The following CLCN7 variants were observed in gnomAD, a reference collection of about 807,000 sequenced individuals.
CLCN7 encodes Cl-/H+ antiporter 7.
A neutral mutation model predicts 102.1 loss-of-function variants in CLCN7; 60 were observed. The ratio of observed to expected loss-of-function variants is 0.59; its 90% CI spans 0.48 to 0.73. CLCN7 has a LOEUF of 0.73. Ranked by LOEUF, CLCN7 falls within the 30% of genes least tolerant of loss-of-function variation. CLCN7 has a pLI of 0.00. For missense variants in CLCN7, 962 were observed against 1,125.7 expected, an observed-to-expected ratio of 0.85 and a Z score of 2.08; for synonymous variants, 560 against 490.5, an observed-to-expected ratio of 1.14 and a Z score of -1.87.
At chr16:1,472,919 A>C (rs889504373) in intron 1 of CLCN7, among the ~76,000 whole-genome samples, 1 of 147,916 alleles carries the variant, frequency 6.8e-6, no homozygotes, top group African/African-American at 2.5e-5. Flanking sequence ...GATGCATATC[A>C]CCACACCTGG....
intron 1 of CLCN7, among the ~76,000 whole-genome samples, chr16:1,473,086 A>AACACAC (rs36084043): frequency 6.0e-5 from 9 of 150,052 alleles, no homozygotes; most frequent in Non-Finnish European, 1.3e-4. Context: ...TTAAAACAGA[A>AACACAC]ACACACACAC....
chr16:1,462,427 G>A (rs1220000885), intron 2 of CLCN7, among the ~76,000 whole-genome samples: 8 of 132,306 alleles, frequency 6.0e-5, no homozygotes, highest in Non-Finnish European at 1.1e-4. Flanking sequence ...CCAGGCTAGA[G>A]TGCAGTGACG....
In CLCN7 at chr16:1,447,588, G is replaced by C; in HGVS notation, c.2074-20C>G. On this transcript the variant is annotated intron_variant, in intron 22 of 24. Coordinates refer to ENST00000382745, the MANE Select transcript of CLCN7 (RefSeq NM_001287.6). ...AAACACCTGCGGGCGGCAGAGCCCT[G>C]TGTCAGGCACCCAGGCAGCACCCCC... The C allele has an allele frequency of 1.3e-6, 2 of 1,552,992 alleles. No homozygotes were observed. Among genetic ancestry groups the C allele is most frequent in the Non-Finnish European group, 1.7e-6 (2 of 1,148,436 alleles).
At chr16:1,454,657 CGGGG>C in intron 12 of CLCN7, among the ~76,000 whole-genome samples, 192 bp from the exon 13 acceptor site, 1 of 152,208 alleles carries the variant, frequency 6.6e-6, no homozygotes, top group South Asian at 2.1e-4. Flanking sequence ...CCCTGCCTGG[CGGGG>C]TGGCCAGCGA....
rs1466344785 is a variant in CLCN7 at position 1,450,563 on chromosome 16, G to C, written c.1551C>G (p.Ser517=). The change falls in exon 17 of 25, where the codon TCC becomes TCG. Residue 517 remains serine (S), a synonymous_variant. Transcript: ENST00000382745. ...GGCCCCAGGCAGCCCCGATGAGCAG[G>C]GACGGGATGAAGACCCCGGCAGACA... ...LTVSAGVFIP[S]LLIGAAWGRL... The C allele has an allele frequency of 9.9e-6, 16 of 1,612,074 alleles. No homozygotes were observed. Among genetic ancestry groups the C allele is most frequent in the Non-Finnish European group, 1.3e-5 (15 of 1,179,714 alleles).
intron 4 of CLCN7, 66 bp from the exon 5 acceptor site, chr16:1,461,014 A>C (rs2038927736): frequency 6.3e-7 from 1 of 1,576,620 alleles, no homozygotes; most frequent in African/African-American, 1.4e-5. Flanking sequence ...CAGCAGCAGG[A>C]CCGCCCAGAC....
At chr16:1,448,919 T>G (rs1433278058) in intron 19 of CLCN7, 47 bp downstream of exon 19, 1 of 1,609,464 alleles carries the variant, frequency 6.2e-7, no homozygotes, top group Non-Finnish European at 8.5e-7. Context: ...CCCTCCCCTA[T>G]GGCAGCACCC....
chr16:1,460,725 C>T lies in CLCN7; in HGVS notation c.484+91G>A, dbSNP rs547029259. The T allele has an allele frequency of 3.9e-5, 63 of 1,597,540 alleles. 2 individuals are homozygous for T. In the South Asian group the frequency reaches 5.5e-4, roughly 14 times the overall value. On this transcript the variant is annotated intron_variant, in intron 5 of 24. Coordinates refer to ENST00000382745, the MANE Select transcript of CLCN7 (RefSeq NM_001287.6). ...CCTGGCCGGGCCGCCTCCACCTGCA[C>T]TGGAACACGCTGGGCTCAGGACTTC...
At position 1,449,343 on chromosome 16, in the gene CLCN7, C is replaced by T. The variant is rs764579278; in HGVS notation, c.1618-16G>A. On this transcript the variant is annotated splice_polypyrimidine_tract_variant and intron_variant, in intron 17 of 24. Transcript: ENST00000382745. Reference sequence around the variant, plus strand: ...CCGCCCAGATCTGTGGGAGGTGACACGGAGGAGGTGTCAGTGTGGTGGCAG... The same window carrying T: ...CCGCCCAGATCTGTGGGAGGTGACATGGAGGAGGTGTCAGTGTGGTGGCAG... 1.9e-5 allele frequency: 30 copies of T among 1,577,706 alleles called. No individual in the cohort carries two copies. Among genetic ancestry groups the T allele is most frequent in the Admixed American group, 9.1e-5 (5 of 54,708 alleles).
At chr16:1,449,203 C>T in intron 18 of CLCN7, 73 bp downstream of exon 18, 3 of 1,573,160 alleles carry the variant, frequency 1.9e-6, no homozygotes, top group Non-Finnish European at 2.6e-6. Context: ...AGACCCTAGC[C>T]CCGCAAGGAC....
At chr16:1,447,792 C>T (rs972114291) in intron 21 of CLCN7, 78 bp from the exon 22 acceptor site, 254 of 1,469,144 alleles carry the variant, frequency 1.7e-4, no homozygotes, top group Middle Eastern at 4.1e-4. Context: ...GGGCCCCGCT[C>T]TGACCCTGTT....
chr16:1,458,878 T>C (rs925407253), intron 7 of CLCN7, among the ~76,000 whole-genome samples: 3 of 152,236 alleles, frequency 2.0e-5, no homozygotes, highest in African/African-American at 7.2e-5. Context: ...CAAGCATTTC[T>C]GTATGACTAC....
rs757252471 is a variant in CLCN7 at position 1,452,752 on chromosome 16, C to T, written c.1353+3G>A. 1.9e-6 allele frequency: 3 copies of T among 1,593,216 alleles called. No individual in the cohort carries two copies. Among genetic ancestry groups the T allele is most frequent in the East Asian group, 2.3e-5 (1 of 43,640 alleles). ...TGGACCCCGCCCGGGCCCAGCCTCC[C>T]ACCTGCAGCGGGTAGGACATGGAGC... is the stretch of plus-strand genomic sequence containing the variant. On this transcript the variant is annotated splice_donor_region_variant and intron_variant, in intron 15 of 24. Coordinates refer to ENST00000382745, the MANE Select transcript of CLCN7 (RefSeq NM_001287.6).
intron 2 of CLCN7, among the ~76,000 whole-genome samples, chr16:1,464,804 A>G (rs1169405094): frequency 6.6e-6 from 1 of 152,192 alleles, no homozygotes; most frequent in Non-Finnish European, 1.5e-5. Flanking sequence ...GCTGGGGGAA[A>G]AACCGAGGCC....
chr16:1,451,861 G>C (rs913952156), intron 15 of CLCN7, 145 bp from the exon 16 acceptor site: 2 of 687,662 alleles, frequency 2.9e-6, no homozygotes, highest in Non-Finnish European at 5.2e-6. Flanking sequence ...CATTGGGTCA[G>C]GGCCACGGTC....
intron 15 of CLCN7, 121 bp downstream of exon 15, chr16:1,452,634 C>T (rs1322941860): frequency 3.8e-6 from 4 of 1,050,416 alleles, no homozygotes; most frequent in Non-Finnish European, 5.5e-6. Flanking sequence ...GACACGCCAG[C>T]CCATGCGCTT....
Position 1,466,388 on chromosome 16 carries a change from G to A in CLCN7, c.142-1050C>T, listed in dbSNP as rs368070491. 1.3e-4 allele frequency among the ~76,000 whole-genome samples: 20 copies of A among 152,338 alleles called. 1 individual carries two copies. The highest frequency in any genetic ancestry group is 7.7e-4 in the East Asian group (4 of 5,174). ...TGGAAGTGCTTCTTGGTGATAGAACGGCAGGTGATGGCGCCAGGAGCCCAC... is the reference window on the plus strand; with the variant it reads ...TGGAAGTGCTTCTTGGTGATAGAACAGCAGGTGATGGCGCCAGGAGCCCAC... On this transcript the variant is annotated intron_variant, in intron 1 of 24. Transcript: ENST00000382745.
intron 17 of CLCN7, 169 bp from the exon 18 acceptor site, chr16:1,449,496 G>C: frequency 3.1e-6 from 2 of 653,462 alleles, no homozygotes; most frequent in South Asian, 1.8e-5. Context: ...CCCTGCTGCG[G>C]AGGCTGCATC....
chr16:1,451,495 C>T, intron 16 of CLCN7, 128 bp downstream of exon 16: 1 of 728,432 alleles, frequency 1.4e-6, no homozygotes, highest in Non-Finnish European at 2.4e-6. Flanking sequence ...TGAGTCCCTG[C>T]TATGATCCAT....
Sources: gnomAD v4.1 joint callset for allele counts (sites outside exome capture counted in the v4.1 genomes callset) on GRCh38, gnomAD v4.1.1 for gene constraint, MANE v1.5 for transcripts, NCBI Gene and HGNC (gene_info 2026-07-23, HGNC 2026-07-21) for gene names.